Variants in SEC24D observed in about 807,000 individuals in gnomAD.
SEC24D encodes protein transport protein Sec24D.
Under a neutral mutation model 116.9 loss-of-function variants are expected in SEC24D, and 69 were observed. The ratio of observed to expected loss-of-function variants is 0.59; its 90% confidence interval spans 0.49 to 0.72. The LOEUF (loss-of-function observed/expected upper bound fraction) is 0.72, where lower values mean the gene tolerates loss of function less well. Among genes scored for constraint, SEC24D ranks in the 30% least tolerant of loss-of-function variants. The pLI is 0.00. For missense variants in SEC24D, 1,131 were observed against 1,264.1 expected, an observed-to-expected ratio of 0.89 and a Z score of 1.60; for synonymous variants, 405 against 442.8, an observed-to-expected ratio of 0.91 and a Z score of 1.07.
intron 8 of SEC24D, among the ~76,000 whole-genome samples, chr4:118,777,902 A>G (rs1226606687): frequency 6.6e-6 from 1 of 152,230 alleles, no homozygotes; most frequent in Admixed American, 6.5e-5. Context: ...GGCTCCATAA[A>G]TGTCCTCTTT....
chr4:118,804,333 T>C (rs1050915212), intron 7 of SEC24D, among the ~76,000 whole-genome samples: 1 of 152,138 alleles, frequency 6.6e-6, no homozygotes, highest in South Asian at 2.1e-4. Flanking sequence ...CTCAGGCTGT[T>C]GCAGAGAAAA....
At chr4:118,741,177 T>G (rs973418804) in intron 15 of SEC24D, 140 bp from the exon 16 acceptor site, 5 of 476,530 alleles carry the variant, frequency 1.0e-5, no homozygotes, top group African/African-American at 1.0e-4. Flanking sequence ...TTATGCTTCT[T>G]TGGTTAAAGA....
chr4:118,779,458 T>C (rs1382874890), intron 8 of SEC24D, among the ~76,000 whole-genome samples: 1 of 152,220 alleles, frequency 6.6e-6, no homozygotes, highest in Non-Finnish European at 1.5e-5. Flanking sequence ...GAAGCTGACT[T>C]GAATGTGGTG....
At chr4:118,736,053 T>C (rs1488703529) in intron 19 of SEC24D, 1 of 134,804 alleles carries the variant, frequency 7.4e-6, no homozygotes, top group African/African-American at 2.8e-5. Context: ...TTGCCCACGC[T>C]GGAGTCGAGT....
Position 118,815,450 on chromosome 4 carries a change from C to T in SEC24D, c.673+1G>A. The T allele has an allele frequency of 6.2e-7, 1 of 1,613,938 alleles. No homozygotes were observed. The highest frequency in any genetic ancestry group is 1.1e-5 in the South Asian group (1 of 91,072). On this transcript the variant is annotated splice_donor_variant, in intron 5 of 22. Transcript: ENST00000280551. LOFTEE classifies it high-confidence loss of function. ...CTTCCCCTGCACCCTGTCCGCCTTACCCTGCTGCGGAGGATATCCAGCACC... is the reference window on the plus strand; with the variant it reads ...CTTCCCCTGCACCCTGTCCGCCTTATCCTGCTGCGGAGGATATCCAGCACC...
chr4:118,781,714 T>C (rs1352443897), intron 8 of SEC24D, among the ~76,000 whole-genome samples: 1 of 152,242 alleles, frequency 6.6e-6, no homozygotes, highest in African/African-American at 2.4e-5. Context: ...CCATGTCATT[T>C]TCAGGTACAC....
intron 8 of SEC24D, among the ~76,000 whole-genome samples, chr4:118,795,238 C>T (rs908015981): frequency 1.3e-5 from 2 of 150,962 alleles, no homozygotes; most frequent in East Asian, 2.0e-4. Context: ...GAGTCTCCCT[C>T]TGTCTCCAAT....
rs532847575 is a variant in SEC24D, at chr4:118,830,862, T to A, written c.118+2717A>T. Among the ~76,000 whole-genome samples the A allele has an allele frequency of 9.7e-4, 148 of 152,230 alleles. 1 individual carries two copies. Among genetic ancestry groups the A allele is most frequent in the African/African-American group, 3.3e-3 (136 of 41,530 alleles). ...ACAGTATTGGAGAGAGGGATAATAG[T>A]TACAAGATCATTTTAGTAATCCATG... On this transcript the variant is annotated intron_variant, in intron 2 of 22. Coordinates refer to ENST00000280551, the MANE Select transcript of SEC24D (RefSeq NM_014822.4).
At chr4:118,749,062 G>A (rs926546183) in intron 13 of SEC24D, among the ~76,000 whole-genome samples, 1 of 150,416 alleles carries the variant, frequency 6.6e-6, no homozygotes, top group African/African-American at 2.5e-5. Flanking sequence ...ATTTTATGGT[G>A]GAAATAATAG....
intron 8 of SEC24D, 83 bp from the exon 9 acceptor site, chr4:118,768,394 CTT>C (rs34595739): frequency 9.6e-3 from 5,519 of 574,512 alleles, no homozygotes; most frequent in East Asian, 0.016. Flanking sequence ...TTTAATGGCA[CTT>C]TTTTTTTTTT....
chr4:118,740,977 C>A lies in SEC24D; in HGVS notation c.2056G>T (p.Gly686Cys). ...DLRNDIEKKIGFDAIMRVRTS... is the reference protein window; with the variant it reads ...DLRNDIEKKICFDAIMRVRTS... Reference sequence around the variant, plus strand: ...CGAACCCTCATAATAGCATCAAAGCCTATTTTCTTTTCAATATCATTTCTG... The same window carrying A: ...CGAACCCTCATAATAGCATCAAAGCATATTTTCTTTTCAATATCATTTCTG... Residue 686 changes from glycine (G) to cysteine (C), a missense_variant, in exon 16 of 23, where the codon GGC (glycine) becomes TGC (cysteine). Gly to Cys is a radical substitution (Grantham distance 159). Coordinates refer to ENST00000280551, the MANE Select transcript of SEC24D (RefSeq NM_014822.4). 6.3e-7 allele frequency: 1 copy of A among 1,598,834 alleles called. No homozygotes were observed. Among genetic ancestry groups the A allele is most frequent in the Non-Finnish European group, 8.5e-7 (1 of 1,171,132 alleles).
chr4:118,820,641 C>T (rs1353323513), intron 3 of SEC24D, among the ~76,000 whole-genome samples: 1 of 148,928 alleles, frequency 6.7e-6, no homozygotes, highest in African/African-American at 2.4e-5. Context: ...TGAAAAAGAG[C>T]ATGTGAAATG....
At chr4:118,783,362 TCTA>T (rs1728516518) in intron 8 of SEC24D, among the ~76,000 whole-genome samples, 1 of 152,170 alleles carries the variant, frequency 6.6e-6, no homozygotes, top group African/African-American at 2.4e-5. Flanking sequence ...CCAAGTCTGC[TCTA>T]CTTTTTCCTT....
intron 7 of SEC24D, among the ~76,000 whole-genome samples, 161 bp downstream of exon 7, chr4:118,805,682 T>C (rs535889730): frequency 1.1e-4 from 16 of 152,224 alleles, no homozygotes; most frequent in Non-Finnish European, 1.5e-4. Flanking sequence ...ATTCAGTTGA[T>C]AGCATCCTCT....
intron 6 of SEC24D, among the ~76,000 whole-genome samples, chr4:118,810,502 G>T (rs980990852): frequency 6.6e-6 from 1 of 152,186 alleles, no homozygotes; most frequent in Non-Finnish European, 1.5e-5. Context: ...TCAGGGAAAA[G>T]GTCTTTACTA....
chr4:118,745,613 A>T (rs893097961), intron 13 of SEC24D, among the ~76,000 whole-genome samples: 3 of 152,234 alleles, frequency 2.0e-5, no homozygotes, highest in Admixed American at 6.5e-5. Flanking sequence ...GTGTGGGATC[A>T]AGATTATATA....
In SEC24D at chr4:118,808,979, C is replaced by CTT. The variant is rs11393316; in HGVS notation, c.802-3027_802-3026dup. 7.3e-3 allele frequency among the ~76,000 whole-genome samples: 1,072 copies of CTT among 147,582 alleles called. 6 individuals carry two copies. Among genetic ancestry groups the CTT allele is most frequent in the Non-Finnish European group, 0.012 (784 of 66,676 alleles). ...AAGTGGAGTAGAAAGCACCCAACTT[C>CTT]TTTTTTTTTTTTGAGACAGAGTCTT... On this transcript the variant is annotated intron_variant, in intron 6 of 22. Coordinates refer to ENST00000280551, the MANE Select transcript of SEC24D (RefSeq NM_014822.4).
chr4:118,748,204 T>C (rs1198681589), intron 13 of SEC24D, among the ~76,000 whole-genome samples: 2 of 152,024 alleles, frequency 1.3e-5, no homozygotes, highest in Non-Finnish European at 2.9e-5. Context: ...AGGTGGAGGT[T>C]GCAGTGAGCC....
At chr4:118,791,216 C>T (rs1293933577) in intron 8 of SEC24D, among the ~76,000 whole-genome samples, 3 of 152,012 alleles carry the variant, frequency 2.0e-5, no homozygotes, top group African/African-American at 7.2e-5. Context: ...CATTTTTGGA[C>T]ACGTTAAGTT....
Sources: allele counts gnomAD v4.1 joint callset (sites outside exome capture counted in the v4.1 genomes callset), GRCh38; gene constraint gnomAD v4.1.1; transcripts MANE v1.5; gene names NCBI Gene and HGNC (gene_info 2026-07-23, HGNC 2026-07-21).